The following SUSD4 variants were observed in gnomAD, a reference collection of about 807,000 sequenced individuals.
SUSD4 encodes the protein sushi domain-containing protein 4.
SUSD4 carries 41 observed loss-of-function variants against 50.5 expected under a neutral mutation model. The ratio of observed to expected loss-of-function variants is 0.81; its 90% CI spans 0.63 to 1.05. The LOEUF (loss-of-function observed/expected upper bound fraction) is 1.05, where lower values mean the gene tolerates loss of function less well. Among genes scored for constraint, SUSD4 ranks in the 50% least tolerant of loss-of-function variants. SUSD4 has a pLI of 0.00. For synonymous variants in SUSD4, 257 were observed against 257.3 expected (o/e 1.00, Z 0.01); for missense variants, 580 against 634.7 (o/e 0.91, Z 0.93).
At chr1:223,308,472 G>A (rs148381281) in intron 2 of SUSD4, among the ~76,000 whole-genome samples, 100 of 152,190 alleles carry the variant, frequency 6.6e-4, no homozygotes, top group African/African-American at 2.3e-3. Flanking sequence ...CTGCAGACCC[G>A]TAAGCTAATA....
At chr1:223,364,664 C>G (rs1165858265), upstream of SUSD4, among the ~76,000 whole-genome samples, 2 of 151,284 alleles carry the variant, frequency 1.3e-5, no homozygotes, top group African/African-American at 4.8e-5. This position sits in a 1 kb window ranked among gnomAD's most constrained non-coding sequence, Gnocchi z 4.5. Flanking sequence ...GCCTCTGGTG[C>G]CCCCAGCCCG....
intron 5 of SUSD4, chr1:223,263,853 G>A (rs1662292381): frequency 1.0e-6 from 1 of 985,314 alleles, no homozygotes; most frequent in African/African-American, 1.7e-5. Context: ...AATAGGCTTT[G>A]AAGCGGCTCC....
At chr1:223,273,332 T>C (rs1663041923) in intron 3 of SUSD4, among the ~76,000 whole-genome samples, 1 of 152,210 alleles carries the variant, frequency 6.6e-6, no homozygotes, top group Non-Finnish European at 1.5e-5. Context: ...GGCCAAGGCA[T>C]GATCTGATTT....
intron 5 of SUSD4, among the ~76,000 whole-genome samples, chr1:223,253,677 C>T (rs1407927306): frequency 1.3e-5 from 2 of 152,192 alleles, no homozygotes; most frequent in African/African-American, 4.8e-5. Flanking sequence ...TGTGTTCCAC[C>T]TGACTGCAAG....
At chr1:223,281,808 T>C (rs2103117978) in intron 3 of SUSD4, among the ~76,000 whole-genome samples, 1 of 152,188 alleles carries the variant, frequency 6.6e-6, no homozygotes, top group African/African-American at 2.4e-5. Context: ...TAGACCAATA[T>C]CCCTGATAAA....
At chr1:223,232,537 G>T (rs1189665682) in intron 5 of SUSD4, among the ~76,000 whole-genome samples, 1 of 152,206 alleles carries the variant, frequency 6.6e-6, no homozygotes, top group Non-Finnish European at 1.5e-5. Flanking sequence ...CACAGAAAAT[G>T]TCATGAAAGA....
At chr1:223,280,567 G>C (rs1299873748) in intron 3 of SUSD4, among the ~76,000 whole-genome samples, 8 of 151,978 alleles carry the variant, frequency 5.3e-5, no homozygotes, top group Admixed American at 4.6e-4. Context: ...CGCAATACAG[G>C]AGCACCCAGA....
intron 2 of SUSD4, among the ~76,000 whole-genome samples, chr1:223,350,237 C>T (rs1386181405): frequency 6.6e-6 from 1 of 152,218 alleles, no homozygotes; most frequent in Non-Finnish European, 1.5e-5. Flanking sequence ...CACATAGGCT[C>T]GAGCTCCTGA....
At chr1:223,224,602 G>T (rs1659370108) in intron 7 of SUSD4, among the ~76,000 whole-genome samples, 1 of 152,204 alleles carries the variant, frequency 6.6e-6, no homozygotes, top group Non-Finnish European at 1.5e-5. Context: ...TCTAAGCAAG[G>T]CCCGGGTTGC....
chr1:223,352,142 A>C (rs540907471), intron 2 of SUSD4, among the ~76,000 whole-genome samples: 1 of 152,324 alleles, frequency 6.6e-6, no homozygotes, highest in Admixed American at 6.5e-5. Flanking sequence ...TGACAGAGTA[A>C]CAGGAGTCTA....
chr1:223,354,903 G>A (rs1668571629), intron 2 of SUSD4, among the ~76,000 whole-genome samples: 1 of 152,198 alleles, frequency 6.6e-6, no homozygotes. Flanking sequence ...CAGGAACAAT[G>A]CTGTGGACAC....
At position 223,221,282 on chromosome 1, in the gene SUSD4, T is replaced by C; in HGVS notation, c.*910A>G. Reference sequence around the variant, plus strand: ...GTTCAATTTGGGGCTGGGGGAACAATGACAATTGTCAACTAGAGAGAGGCT... The same window carrying C: ...GTTCAATTTGGGGCTGGGGGAACAACGACAATTGTCAACTAGAGAGAGGCT... On this transcript the variant is annotated 3_prime_UTR_variant, in exon 9 of 9. Transcript: ENST00000366878. The C allele has an allele frequency of 2.5e-6, 1 of 395,674 alleles. No homozygotes were observed. Among genetic ancestry groups the C allele is most frequent in the Non-Finnish European group, 4.5e-6 (1 of 224,696 alleles). 24.5% of individuals were successfully genotyped at this position (395,674 alleles called of 1,614,324 possible).
In SUSD4 at chr1:223,346,991, T is replaced by C. The variant is rs145556406; in HGVS notation, c.148+16287A>G. ...CCTGTTGAAATTTCACAAATATTTT[T>C]TTTCATTCAACAAATGTCTATTAAG... On this transcript the variant is annotated intron_variant, in intron 2 of 8. Coordinates refer to ENST00000366878, the MANE Select transcript of SUSD4 (RefSeq NM_017982.4). Among the ~76,000 whole-genome samples, 574 of 152,292 alleles carry C rather than the reference T, an allele frequency of 3.8e-3. 3 individuals are homozygous for C. The highest frequency in any genetic ancestry group is 0.01 in the Middle Eastern group (3 of 294).
intron 5 of SUSD4, among the ~76,000 whole-genome samples, chr1:223,237,539 T>C (rs1231129405): frequency 6.6e-6 from 1 of 152,016 alleles, no homozygotes; most frequent in Non-Finnish European, 1.5e-5. Context: ...TCTAGTTTAC[T>C]GGGAGTTTTT....
intron 2 of SUSD4, among the ~76,000 whole-genome samples, chr1:223,326,250 A>G (rs1666871489): frequency 1.3e-5 from 2 of 152,186 alleles, no homozygotes; most frequent in Admixed American, 1.3e-4. Context: ...TAAACTGGGG[A>G]ATGGACACCA....
At chr1:223,267,995 C>G (rs1662609660) in intron 4 of SUSD4, among the ~76,000 whole-genome samples, 1 of 83,922 alleles carries the variant, frequency 1.2e-5, no homozygotes, top group African/African-American at 5.2e-5. Context: ...GATAATTTTT[C>G]TGCTCTTCAT....
intron 2 of SUSD4, among the ~76,000 whole-genome samples, chr1:223,361,596 T>C (rs1668983343): frequency 6.6e-6 from 1 of 152,160 alleles, no homozygotes; most frequent in Admixed American, 6.6e-5. Flanking sequence ...AGGAGGATGC[T>C]CTGTAAACAC....
At chr1:223,235,471 G>A (rs1423193615) in intron 5 of SUSD4, among the ~76,000 whole-genome samples, 2 of 152,130 alleles carry the variant, frequency 1.3e-5, no homozygotes, top group African/African-American at 4.8e-5. Context: ...TTATCATGCA[G>A]GGTAGTTTCA....
rs1360065661 is a variant in SUSD4 at position 223,332,954 on chromosome 1, C to A, written c.148+30324G>T. On this transcript the variant is annotated intron_variant, in intron 2 of 8. Transcript: ENST00000366878. This position sits in a 1 kb window ranked among gnomAD's most constrained non-coding sequence, Gnocchi z 4.0. ...CTCCTGATACTCTGCGTGGAAGCTG[C>A]CGCAACTGCACACCACACCCTCCTC... Among the ~76,000 whole-genome samples, 1 of 152,122 alleles carries A rather than the reference C, an allele frequency of 6.6e-6. No homozygotes were observed. Among genetic ancestry groups the A allele is most frequent in the Admixed American group, 6.5e-5 (1 of 15,288 alleles).
Sources: allele counts gnomAD v4.1 joint callset (sites outside exome capture counted in the v4.1 genomes callset), GRCh38; gene constraint gnomAD v4.1.1; non-coding constraint Gnocchi (gnomAD v3.1); transcripts MANE v1.5; gene names NCBI Gene and HGNC (gene_info 2026-07-23, HGNC 2026-07-21).